The following MCPH1 variants were observed in gnomAD, a reference collection of about 807,000 sequenced individuals.
The protein encoded by MCPH1 is microcephalin 1, also known as microcephalin.
In MCPH1, 104 loss-of-function variants were observed where a neutral mutation model predicts 84.5. The ratio of observed to expected loss-of-function variants is 1.23; its 90% CI spans 1.05 to 1.45. MCPH1 has a LOEUF of 1.45. Ranked by LOEUF, MCPH1 falls within the 40% of genes most tolerant of loss-of-function variation. The pLI, the probability that MCPH1 is intolerant of heterozygous loss-of-function variation, is 0.00. For missense variants in MCPH1, 1,498 were observed against 1,005.7 expected (o/e 1.49, Z -6.62); for synonymous variants, 514 against 366.8 (o/e 1.40, Z -4.58).
intron 12 of MCPH1, among the ~76,000 whole-genome samples, chr8:6,598,335 A>C (rs1161410740): frequency 6.6e-6 from 1 of 152,152 alleles, no homozygotes; most frequent in Admixed American, 6.5e-5. Context: ...GAACTCATGC[A>C]GGGAGGGGAG....
intron 12 of MCPH1, among the ~76,000 whole-genome samples, chr8:6,617,357 G>T (rs1287451012): frequency 6.8e-6 from 1 of 147,404 alleles, no homozygotes; most frequent in Non-Finnish European, 1.5e-5. Flanking sequence ...TCGGCTCACT[G>T]CAAGCTCCTC....
intron 10 of MCPH1, among the ~76,000 whole-genome samples, chr8:6,477,892 A>G (rs767365250): frequency 6.6e-6 from 1 of 152,220 alleles, no homozygotes; most frequent in Non-Finnish European, 1.5e-5. Context: ...CTTGATACCA[A>G]ATAGCTTCAT....
chr8:6,464,002 T>C (rs138006170), intron 9 of MCPH1, among the ~76,000 whole-genome samples: 1,600 of 152,304 alleles, frequency 0.011, 15 homozygotes, highest in Middle Eastern at 0.044. Context: ...TTCTTGAAAA[T>C]GCAGCACGGG....
chr8:6,622,269 C>T (rs1302300464), intron 13 of MCPH1: 1 of 167,018 alleles, frequency 6.0e-6, no homozygotes, highest in East Asian at 1.6e-4. Context: ...GTGTGCGATT[C>T]TGGGGAGGAA....
chr8:6,420,367 G>A (rs1245090679), intron 3 of MCPH1, among the ~76,000 whole-genome samples: 1 of 152,050 alleles, frequency 6.6e-6, no homozygotes, highest in Non-Finnish European at 1.5e-5. Flanking sequence ...AGTCTTAAGC[G>A]TATTCTCCCC....
chr8:6,605,987 A>G (rs1388149890), intron 12 of MCPH1, among the ~76,000 whole-genome samples: 1 of 152,170 alleles, frequency 6.6e-6, no homozygotes, highest in Non-Finnish European at 1.5e-5. Flanking sequence ...ATGAGCCACC[A>G]TGCCTGGCTT....
At chr8:6,630,865 A>T (rs1797110800) in intron 13 of MCPH1, among the ~76,000 whole-genome samples, 1 of 152,188 alleles carries the variant, frequency 6.6e-6, no homozygotes, top group Admixed American at 6.5e-5. Context: ...AAAAAGTCAA[A>T]TAGGCAATCA....
chr8:6,521,827 C>G (rs1314102450), intron 12 of MCPH1, among the ~76,000 whole-genome samples: 1 of 152,110 alleles, frequency 6.6e-6, no homozygotes, highest in East Asian at 1.9e-4. Flanking sequence ...TTAGCTTTCT[C>G]CTAAACTATT....
At chr8:6,439,507 C>G (rs1037455807) in intron 6 of MCPH1, among the ~76,000 whole-genome samples, 8 of 151,644 alleles carry the variant, frequency 5.3e-5, no homozygotes, top group Non-Finnish European at 1.0e-4. Flanking sequence ...GCCTCAGCCT[C>G]CCGAGTAGCT....
At chr8:6,538,918 A>G (rs1042442013) in intron 12 of MCPH1, among the ~76,000 whole-genome samples, 7 of 152,144 alleles carry the variant, frequency 4.6e-5, no homozygotes, top group African/African-American at 1.4e-4. Context: ...GAGGCTTTTG[A>G]CCTAATGTTC....
intron 12 of MCPH1, among the ~76,000 whole-genome samples, chr8:6,575,502 G>A (rs563146022): frequency 1.3e-5 from 2 of 152,302 alleles, no homozygotes; most frequent in African/African-American, 4.8e-5. Context: ...TCTATACAAT[G>A]TTGCAAGTGA....
At chr8:6,594,848 G>A (rs1306994952) in intron 12 of MCPH1, among the ~76,000 whole-genome samples, 2 of 152,222 alleles carry the variant, frequency 1.3e-5, no homozygotes, top group East Asian at 3.8e-4. Flanking sequence ...CTCGGGGTCA[G>A]AGCACACCAG....
chr8:6,411,824 G>T (rs73514777), intron 2 of MCPH1, among the ~76,000 whole-genome samples: 1 of 152,134 alleles, frequency 6.6e-6, no homozygotes, highest in African/African-American at 2.4e-5. Flanking sequence ...GGGAGGGGTT[G>T]GGGGCGGGAC....
intron 12 of MCPH1, among the ~76,000 whole-genome samples, chr8:6,617,412 A>C (rs2515556): frequency 0.037 from 5,623 of 151,564 alleles, 358 homozygotes; most frequent in African/African-American, 0.13. Flanking sequence ...CCCAAAAGTT[A>C]TGATTTTTAA....
intron 12 of MCPH1, among the ~76,000 whole-genome samples, chr8:6,599,410 A>C (rs1829195876): frequency 6.6e-6 from 1 of 152,104 alleles, no homozygotes; most frequent in Non-Finnish European, 1.5e-5. Context: ...GAATGAAAAA[A>C]CCGAGGATGT....
At chr8:6,642,795 G>A (rs1405762645) in intron 13 of MCPH1, 199 bp from the exon 14 acceptor site, 1 of 637,712 alleles carries the variant, frequency 1.6e-6, no homozygotes, top group East Asian at 2.8e-5. Flanking sequence ...ACTGAGAACT[G>A]AATGTTTCAT....
chr8:6,449,446 C>T (rs1804815419), intron 8 of MCPH1, among the ~76,000 whole-genome samples: 1 of 152,014 alleles, frequency 6.6e-6, no homozygotes, highest in African/African-American at 2.4e-5. Context: ...CCAACCTGAC[C>T]AACATAGTGA....
intron 12 of MCPH1, chr8:6,501,427 A>T (rs1812153715): frequency 6.6e-6 from 1 of 152,214 alleles, no homozygotes; most frequent in Non-Finnish European, 1.5e-5. Flanking sequence ...TTAAATTATA[A>T]AGCTTTACAC....
At chr8:6,411,435 T>TA (rs1432015505) in intron 2 of MCPH1, among the ~76,000 whole-genome samples, 3 of 152,186 alleles carry the variant, frequency 2.0e-5, no homozygotes, top group South Asian at 4.1e-4. Flanking sequence ...TTTTCAGCCG[T>TA]AAAGTGCAAG....
Sources: allele counts gnomAD v4.1 joint callset (sites outside exome capture counted in the v4.1 genomes callset), GRCh38; gene constraint gnomAD v4.1.1; transcripts MANE v1.5; gene names NCBI Gene and HGNC (gene_info 2026-07-23, HGNC 2026-07-21).